The following CHGB variants were observed in gnomAD, a reference collection of about 807,000 sequenced individuals.
CHGB encodes the protein chromogranin B.
CHGB carries 46 observed loss-of-function variants against 69.9 expected under a neutral mutation model. That is an observed-to-expected ratio of 0.66 (90% confidence interval 0.52 to 0.84). The LOEUF (loss-of-function observed/expected upper bound fraction) is 0.84, where lower values mean the gene tolerates loss of function less well. Among genes scored for constraint, CHGB ranks in the 40% least tolerant of loss-of-function variants. The pLI, the probability that CHGB is intolerant of heterozygous loss-of-function variation, is 0.00. For missense variants in CHGB, 796 were observed against 822.2 expected, an observed-to-expected ratio of 0.97 and a Z score of 0.39; for synonymous variants, 312 against 298.2, an observed-to-expected ratio of 1.05 and a Z score of -0.48.
intron 3 of CHGB, among the ~76,000 whole-genome samples, chr20:5,920,483 C>T (rs1295749978): frequency 6.6e-6 from 1 of 152,208 alleles, no homozygotes; most frequent in Non-Finnish European, 1.5e-5. Context: ...GGCCCACTTC[C>T]TGGCTTGTAG....
Position 5,916,483 on chromosome 20 carries a change from G to T in CHGB, c.96+111G>T, listed in dbSNP as rs986718270. 3.7e-4 allele frequency: 353 copies of T among 955,040 alleles called. 1 individual carries two copies. The highest frequency in any genetic ancestry group is 8.4e-5 in the Non-Finnish European group (52 of 619,928). 59.2% of individuals were successfully genotyped at this position (955,040 alleles called of 1,614,324 possible). On this transcript the variant is annotated intron_variant, in intron 2 of 4. Coordinates refer to ENST00000378961, the MANE Select transcript of CHGB (RefSeq NM_001819.3). ...GCATGACATAATCTTACAAAGCCAGGTTTTCATTGCTGACAGAATGTGAGC... is the reference window on the plus strand; with the variant it reads ...GCATGACATAATCTTACAAAGCCAGTTTTTCATTGCTGACAGAATGTGAGC...
intron 3 of CHGB, among the ~76,000 whole-genome samples, chr20:5,918,479 C>T (rs2088492263): frequency 6.6e-6 from 1 of 152,050 alleles, no homozygotes; most frequent in South Asian, 2.1e-4. Flanking sequence ...CATGAGCCCT[C>T]ATGCATGAAA....
At chr20:5,912,118 C>A (rs990204501) in intron 1 of CHGB, among the ~76,000 whole-genome samples, 1 of 151,908 alleles carries the variant, frequency 6.6e-6, no homozygotes, top group Non-Finnish European at 1.5e-5. Context: ...CTATTTAGTG[C>A]CTGCATAATT....
At position 5,922,358 on chromosome 20, in the gene CHGB, G is replaced by A. The variant is rs746952949; in HGVS notation, c.214G>A (p.Glu72Lys). Residue 72 changes from glutamate to lysine, a missense_variant, in exon 4 of 5, where the codon GAG (glutamate) becomes AAG (lysine). Around this residue, in one of 3 missense-constraint regions of CHGB, gnomAD observed 518 missense variants for 506.3 expected, o/e 1.02. Coordinates refer to ENST00000378961, the MANE Select transcript of CHGB (RefSeq NM_001819.3). Reference protein sequence around the residue: ...KTSRKDVKDKETTENENTKFE... With the variant: ...KTSRKDVKDKKTTENENTKFE... ...AGGTAGAAAAGACGTCAAAGACAAA[G>A]AGACAACTGAAAATGAAAACACAAA... is the stretch of plus-strand genomic sequence containing the variant. The A allele has an allele frequency of 4.5e-6, 7 of 1,559,590 alleles. No homozygotes were observed. Among genetic ancestry groups the A allele is most frequent in the Admixed American group, 1.9e-5 (1 of 51,634 alleles).
At chr20:5,913,746 C>T (rs865776333) in intron 1 of CHGB, among the ~76,000 whole-genome samples, 2 of 149,310 alleles carry the variant, frequency 1.3e-5, no homozygotes, top group African/African-American at 2.5e-5. Context: ...TGTCTTGCTT[C>T]AGCCTCCCGA....
Position 5,923,634 on chromosome 20 carries a change from A to G in CHGB, c.1490A>G (p.Glu497Gly). 6.2e-7 allele frequency: 1 copy of G among 1,614,152 alleles called. No individual in the cohort carries two copies. The highest frequency in any genetic ancestry group is 8.5e-7 in the Non-Finnish European group (1 of 1,180,046). The change falls in exon 4 of 5, where the codon GAG becomes GGG. Residue 497 changes from glutamate to glycine, a missense_variant. Around this residue, in one of 3 missense-constraint regions of CHGB, gnomAD observed 274 missense variants for 298.9 expected, o/e 0.92. Coordinates refer to ENST00000378961, the MANE Select transcript of CHGB (RefSeq NM_001819.3). ...GDLQDTKENREEARFQDKQYS... is the reference protein window; with the variant it reads ...GDLQDTKENRGEARFQDKQYS... ...CTGCAGGACACTAAAGAAAACAGGG[A>G]GGAAGCTAGGTTTCAAGATAAACAA...
rs1376422513 is a variant in CHGB at position 5,911,565 on chromosome 20, C to A, written c.-69C>A. The A allele has an allele frequency of 6.7e-7, 1 of 1,482,622 alleles. No individual in the cohort carries two copies. Among genetic ancestry groups the A allele is most frequent in the Non-Finnish European group, 9.0e-7 (1 of 1,109,564 alleles). The allele number at this position is 1,482,622 out of a possible 1,614,324, so 91.8% of individuals were successfully genotyped here. A position where few individuals can be genotyped will look rare whatever the true frequency, so the allele number is the denominator to read the frequency against. On this transcript the variant is annotated 5_prime_UTR_variant, in exon 1 of 5. Transcript: ENST00000378961. The stretch of plus-strand genomic sequence containing the variant: ...TTCCGGGGCCGCTCCATCGCGCCTT[C>A]CTCCTGCGCCTCGCTTCTCCGGTCC...
chr20:5,923,174 G>C lies in CHGB; in HGVS notation c.1030G>C (p.Glu344Gln). Reference protein sequence around the residue: ...ASEEEPEYGEEIKGYPGVQAP... With the variant: ...ASEEEPEYGEQIKGYPGVQAP... Reference sequence around the variant, plus strand: ...AGAGGAAGAACCTGAATATGGAGAAGAAATAAAGGGTTATCCAGGCGTCCA... The same window carrying C: ...AGAGGAAGAACCTGAATATGGAGAACAAATAAAGGGTTATCCAGGCGTCCA... Residue 344 changes from glutamate (E) to glutamine (Q), a missense_variant, in exon 4 of 5, where the codon GAA (glutamate) becomes CAA (glutamine). Transcript: ENST00000378961. 6.2e-7 allele frequency: 1 copy of C among 1,613,962 alleles called. No individual in the cohort carries two copies. Among genetic ancestry groups the C allele is most frequent in the Non-Finnish European group, 8.5e-7 (1 of 1,179,890 alleles).
chr20:5,924,946 T>C, intron 4 of CHGB, 26 bp from the exon 5 acceptor site: 1 of 1,503,242 alleles, frequency 6.7e-7, no homozygotes, highest in Non-Finnish European at 9.3e-7. Context: ...CGGGACCTCA[T>C]GCCTCCACTT....
Position 5,923,439 on chromosome 20 carries a change from C to T in CHGB, c.1295C>T (p.Ser432Phe). The change falls in exon 4 of 5, where the codon TCT (serine) becomes TTT (phenylalanine). Residue 432 changes from serine (S) to phenylalanine (F), a missense_variant. Transcript: ENST00000378961. ...GGGGAGCCACGTGCCTATTTCATGT[C>T]TGACACCAGAGAAGAGAAAAGGTTC... is the stretch of plus-strand genomic sequence containing the variant. ...RGGEPRAYFM[S>F]DTREEKRFLG... is the part of the protein sequence containing the mutation. The T allele has an allele frequency of 6.2e-7, 1 of 1,614,116 alleles. No homozygotes were observed. The highest frequency in any genetic ancestry group is 8.5e-7 in the Non-Finnish European group (1 of 1,180,030).
intron 2 of CHGB, among the ~76,000 whole-genome samples, 182 bp downstream of exon 2, chr20:5,916,554 G>A (rs542552872): frequency 7.9e-4 from 121 of 152,320 alleles, no homozygotes; most frequent in Non-Finnish European, 1.9e-4. Flanking sequence ...TGTCAGGATG[G>A]TTTAGCACCC....
Position 5,923,080 on chromosome 20 carries a change from G to C in CHGB, c.936G>C (p.Glu312Asp). The C allele has an allele frequency of 6.2e-7, 1 of 1,614,128 alleles. No individual in the cohort carries two copies. The highest frequency in any genetic ancestry group is 8.5e-7 in the Non-Finnish European group (1 of 1,180,028). The change falls in exon 4 of 5, where the codon GAG becomes GAC. Residue 312 changes from glutamate (E) to aspartate (D), a missense_variant. Transcript: ENST00000378961. ...EEKGHPQEES[E>D]ESNVSMASLG... The stretch of plus-strand genomic sequence containing the variant: ...AGGGACACCCCCAGGAGGAATCTGA[G>C]GAGTCAAACGTCAGCATGGCCAGTT...
intron 3 of CHGB, among the ~76,000 whole-genome samples, chr20:5,920,110 C>A (rs995191333): frequency 6.6e-6 from 1 of 152,214 alleles, no homozygotes; most frequent in African/African-American, 2.4e-5. Flanking sequence ...CTATCACAGC[C>A]TCTTCCAGGC....
intron 4 of CHGB, among the ~76,000 whole-genome samples, chr20:5,924,486 C>T (rs1402932142): frequency 1.3e-5 from 2 of 152,160 alleles, no homozygotes; most frequent in Non-Finnish European, 2.9e-5. Context: ...GGTATCTTCC[C>T]CTTGGTCCTC....
Position 5,922,415 on chromosome 20 carries a change from GA to G in CHGB, c.272del (p.Asp91ValfsTer62). 1 of 1,608,634 alleles carries G rather than the reference GA, an allele frequency of 6.2e-7. No homozygotes were observed. The highest frequency in any genetic ancestry group is 1.3e-5 in the African/African-American group (1 of 74,940). On this transcript the variant is annotated frameshift_variant, in exon 4 of 5. Transcript: ENST00000378961. LOFTEE classifies it high-confidence loss of function. ...FEVRLLRDPA[D>X]ASEAHESSSR... is the part of the protein sequence containing the mutation. The stretch of plus-strand genomic sequence containing the variant: ...AGTAAGATTGTTAAGAGACCCAGCT[GA>G]TGCCTCGGAAGCCCACGAGTCCTCC...
At chr20:5,917,012 C>T in intron 3 of CHGB, 93 bp downstream of exon 3, 1 of 1,163,448 alleles carries the variant, frequency 8.6e-7, no homozygotes, top group Non-Finnish European at 1.3e-6. Flanking sequence ...CTACAAATGA[C>T]CTGGGGGCAT....
intron 2 of CHGB, 43 bp downstream of exon 2, chr20:5,916,415 A>G (rs1427635498): frequency 2.6e-6 from 4 of 1,529,374 alleles, no homozygotes; most frequent in Non-Finnish European, 3.6e-6. Flanking sequence ...TTGTGTCTAG[A>G]CTCTAGATTC....
Position 5,923,020 on chromosome 20 carries a change from G to A in CHGB, c.876G>A (p.Arg292=). ...ACCACGGGAGGAGCAGGCCCGACAGGTCCTCTCAAGGAGGGAGTCTTCCCT... is the reference window on the plus strand; with the variant it reads ...ACCACGGGAGGAGCAGGCCCGACAGATCCTCTCAAGGAGGGAGTCTTCCCT... ...RHHHGRSRPD[R]SSQGGSLPSE... is the part of the protein sequence containing the mutation. The change falls in exon 4 of 5, where the codon AGG becomes AGA. Residue 292 remains arginine (R), a synonymous_variant. Coordinates refer to ENST00000378961, the MANE Select transcript of CHGB (RefSeq NM_001819.3). 3 of 1,612,612 alleles carry A rather than the reference G, an allele frequency of 1.9e-6. No homozygotes were observed. In the South Asian group the frequency reaches 3.3e-5, roughly 18 times the overall value.
chr20:5,912,500 T>G (rs1023537955), intron 1 of CHGB, among the ~76,000 whole-genome samples: 3 of 152,092 alleles, frequency 2.0e-5, no homozygotes, highest in African/African-American at 7.2e-5. Flanking sequence ...AAAAAAAATG[T>G]TTTAGCCAAT....
Sources: allele counts gnomAD v4.1 joint callset (sites outside exome capture counted in the v4.1 genomes callset), GRCh38; gene constraint gnomAD v4.1.1; regional missense constraint gnomAD v4.1.1; transcripts MANE v1.5; gene names NCBI Gene and HGNC (gene_info 2026-07-23, HGNC 2026-07-21).